MINDY4: variants seen among roughly 807,000 people sequenced by gnomAD.
MINDY4 encodes probable ubiquitin carboxyl-terminal hydrolase MINDY-4.
MINDY4 carries 68 observed loss-of-function variants against 87.0 expected under a neutral mutation model. The ratio of observed to expected loss-of-function variants is 0.78; its 90% confidence interval spans 0.64 to 0.96. MINDY4 has a LOEUF of 0.96. Among genes scored for constraint, MINDY4 ranks in the 40% least tolerant of loss-of-function variants. The pLI is 0.00. For synonymous variants in MINDY4, 379 were observed against 363.2 expected, an observed-to-expected ratio of 1.04 and a Z score of -0.50; for missense variants, 919 against 928.2, an observed-to-expected ratio of 0.99 and a Z score of 0.13.
chr7:30,771,830 A>C (rs1376852592), intron 1 of MINDY4, among the ~76,000 whole-genome samples: 1 of 152,174 alleles, frequency 6.6e-6, no homozygotes, highest in Non-Finnish European at 1.5e-5. Context: ...GGGCGGCGGC[A>C]GCTGGGGAGG....
intron 5 of MINDY4, among the ~76,000 whole-genome samples, chr7:30,828,192 A>G (rs1467821916): frequency 2.6e-5 from 4 of 152,192 alleles, no homozygotes; most frequent in Non-Finnish European, 5.9e-5. Flanking sequence ...ACTTTGGTGC[A>G]TGTCAGAGGT....
At chr7:30,888,058 C>G (rs1247948899) in intron 17 of MINDY4, among the ~76,000 whole-genome samples, 1 of 152,192 alleles carries the variant, frequency 6.6e-6, no homozygotes, top group Non-Finnish European at 1.5e-5. Context: ...GCTGTCTTGT[C>G]CTGGCTGACA....
At chr7:30,890,545 G>A (rs77156105) in intron 17 of MINDY4, among the ~76,000 whole-genome samples, 2,020 of 152,302 alleles carry the variant, frequency 0.013, 45 homozygotes, top group African/African-American at 0.046. Context: ...AAGGGAAATG[G>A]AATGGTGTAA....
intron 5 of MINDY4, among the ~76,000 whole-genome samples, chr7:30,816,218 A>C (rs1007598687): frequency 1.3e-5 from 2 of 151,620 alleles, no homozygotes; most frequent in Non-Finnish European, 2.9e-5. Context: ...ATAGGGAAAT[A>C]ATATGAGGGA....
intron 6 of MINDY4, among the ~76,000 whole-genome samples, chr7:30,834,133 G>A (rs1347639657): frequency 2.0e-5 from 3 of 152,242 alleles, no homozygotes; most frequent in African/African-American, 7.2e-5. Context: ...GGGATTCTTT[G>A]TGGAGCCTCC....
intron 12 of MINDY4, chr7:30,858,588 T>A (rs1367016518): frequency 2.0e-5 from 3 of 152,032 alleles, no homozygotes; most frequent in Non-Finnish European, 4.4e-5. Flanking sequence ...CTATCTTTTT[T>A]AAAAATCAGA....
chr7:30,852,861 G>A (rs1464594371), intron 11 of MINDY4, among the ~76,000 whole-genome samples: 1 of 152,140 alleles, frequency 6.6e-6, no homozygotes, highest in Admixed American at 6.5e-5. Flanking sequence ...ACCTCGGTTT[G>A]GGCACGTGTT....
chr7:30,820,742 G>C (rs1299155623), intron 5 of MINDY4, among the ~76,000 whole-genome samples: 2 of 152,100 alleles, frequency 1.3e-5, no homozygotes, highest in Non-Finnish European at 2.9e-5. Flanking sequence ...TTACTCATTT[G>C]TTGATTGACA....
At chr7:30,886,529 G>A (rs1790637098) in intron 17 of MINDY4, among the ~76,000 whole-genome samples, 1 of 152,190 alleles carries the variant, frequency 6.6e-6, no homozygotes, top group Non-Finnish European at 1.5e-5. Context: ...CAGGGAGATG[G>A]GGGCCTCCAG....
intron 5 of MINDY4, among the ~76,000 whole-genome samples, chr7:30,824,072 C>CAAA (rs1226475350): frequency 3.3e-5 from 5 of 152,134 alleles, no homozygotes; most frequent in Non-Finnish European, 5.9e-5. Flanking sequence ...AGTCTGTTTT[C>CAAA]TGTAGCATAT....
chr7:30,834,936 G>A (rs987605632), intron 6 of MINDY4, among the ~76,000 whole-genome samples: 18 of 152,206 alleles, frequency 1.2e-4, no homozygotes, highest in Middle Eastern at 6.8e-3. Context: ...ACTACTATCC[G>A]CATTTTTGTC....
At chr7:30,780,458 C>T (rs1184766872) in intron 2 of MINDY4, 1 of 152,080 alleles carries the variant, frequency 6.6e-6, no homozygotes, top group Non-Finnish European at 1.5e-5. Context: ...TCTTAAGATA[C>T]TTAAGATATT....
chr7:30,841,426 T>C (rs1789034182), intron 9 of MINDY4, among the ~76,000 whole-genome samples: 1 of 152,240 alleles, frequency 6.6e-6, no homozygotes, highest in South Asian at 2.1e-4. Flanking sequence ...TCTCCAGAAA[T>C]GCTCCATGAG....
At chr7:30,804,366 A>G (rs1360829418) in intron 5 of MINDY4, among the ~76,000 whole-genome samples, 1 of 152,218 alleles carries the variant, frequency 6.6e-6, no homozygotes, top group East Asian at 1.9e-4. Flanking sequence ...CCTTTTCCCA[A>G]TAAAGTAAAC....
chr7:30,800,214 C>T (rs1160711482), intron 5 of MINDY4, among the ~76,000 whole-genome samples: 1 of 152,150 alleles, frequency 6.6e-6, no homozygotes, highest in Non-Finnish European at 1.5e-5. Context: ...CTAGGTATTA[C>T]AGTAAAGATA....
chr7:30,790,736 T>A (rs1227469791), intron 4 of MINDY4, among the ~76,000 whole-genome samples: 2 of 152,206 alleles, frequency 1.3e-5, no homozygotes, highest in Non-Finnish European at 2.9e-5. Context: ...TGAGCCACCA[T>A]GCCCAGCCTG....
chr7:30,873,050 A>G (rs1291669834), intron 14 of MINDY4, among the ~76,000 whole-genome samples: 1 of 152,056 alleles, frequency 6.6e-6, no homozygotes, highest in Non-Finnish European at 1.5e-5. Flanking sequence ...CCAACTGAGG[A>G]CTCAGTTGTC....
At chr7:30,857,530 T>TGGCGC (rs1461135317) in intron 12 of MINDY4, among the ~76,000 whole-genome samples, 1 of 60,630 alleles carries the variant, frequency 1.6e-5, no homozygotes, top group Non-Finnish European at 2.5e-5. Context: ...TGGAGTGCAG[T>TGGCGC]GGCGCGATCT....
At chr7:30,880,311 C>CCCCA (rs1240814762) in intron 15 of MINDY4, among the ~76,000 whole-genome samples, 3 of 149,362 alleles carry the variant, frequency 2.0e-5, no homozygotes, top group African/African-American at 7.5e-5. Context: ...CACCCCCCCC[C>CCCCA]ACCCCCGACT....
Sources: gnomAD v4.1 joint callset for allele counts (sites outside exome capture counted in the v4.1 genomes callset) on GRCh38, gnomAD v4.1.1 for gene constraint, MANE v1.5 for transcripts, NCBI Gene and HGNC (gene_info 2026-07-23, HGNC 2026-07-21) for gene names.